The following SAMTOR variants were observed in gnomAD, a reference collection of about 807,000 sequenced individuals.
SAMTOR encodes the protein S-adenosylmethionine sensor upstream of mTORC1.
At chr7:112,914,657 A>G in the SAMTOR span, among the ~76,000 whole-genome samples, 3 of 152,306 alleles carry the variant, frequency 2.0e-5, no homozygotes, top group South Asian at 6.2e-4. Context: ...TTTTACTTGA[A>G]TCTAAATAAT....
At chr7:112,862,947 T>C in the SAMTOR span, among the ~76,000 whole-genome samples, 1 of 150,822 alleles carries the variant, frequency 6.6e-6, no homozygotes. Flanking sequence ...GGGTGGGGGC[T>C]AGAATTCTCT....
At chr7:112,910,751 A>G in the SAMTOR span, among the ~76,000 whole-genome samples, 4 of 152,130 alleles carry the variant, frequency 2.6e-5, no homozygotes, top group African/African-American at 9.7e-5. Context: ...TTTAGACCCA[A>G]CTTTCAGTTT....
the SAMTOR span, among the ~76,000 whole-genome samples, chr7:112,913,782 G>A: frequency 7.3e-3 from 1,093 of 149,070 alleles, 6 homozygotes; most frequent in Non-Finnish European, 0.012. Context: ...ACTTGGTAGG[G>A]CTGGCTTACT....
the SAMTOR span, among the ~76,000 whole-genome samples, chr7:112,886,779 GC>G: frequency 2.0e-5 from 3 of 152,120 alleles, no homozygotes; most frequent in South Asian, 2.1e-4. Flanking sequence ...ATATCTCCCT[GC>G]CCCCACACAG....
chr7:112,926,114 C>T, the SAMTOR span, among the ~76,000 whole-genome samples: 1 of 152,114 alleles, frequency 6.6e-6, no homozygotes, highest in Non-Finnish European at 1.5e-5. Context: ...TCTCAGTGGG[C>T]TCCAGCAGTG....
the SAMTOR span, chr7:112,939,463 A>C: frequency 2.1e-6 from 3 of 1,429,224 alleles, no homozygotes; most frequent in South Asian, 4.0e-5. Context: ...CCGGGAGAGC[A>C]GCAGCGGCTG....
At chr7:112,937,943 G>C in the SAMTOR span, among the ~76,000 whole-genome samples, 1 of 151,796 alleles carries the variant, frequency 6.6e-6, no homozygotes, top group South Asian at 2.1e-4. Context: ...GTGTTAATTT[G>C]AGTGGAACCT....
chr7:112,935,208 A>C, the SAMTOR span: 1 of 442,152 alleles, frequency 2.3e-6, no homozygotes, highest in Non-Finnish European at 4.5e-6. Flanking sequence ...ATCTGTTCAA[A>C]GTTTCTTAAG....
chr7:112,924,618 A>G, the SAMTOR span, among the ~76,000 whole-genome samples: 3 of 152,116 alleles, frequency 2.0e-5, no homozygotes, highest in African/African-American at 7.2e-5. Flanking sequence ...ATTTCCATTA[A>G]TCACTAACAT....
the SAMTOR span, among the ~76,000 whole-genome samples, chr7:112,844,851 T>G: frequency 6.6e-6 from 1 of 152,138 alleles, no homozygotes; most frequent in Non-Finnish European, 1.5e-5. Flanking sequence ...CAAATGATAC[T>G]ACAAAGCTGC....
At chr7:112,881,411 A>C in the SAMTOR span, among the ~76,000 whole-genome samples, 1 of 152,128 alleles carries the variant, frequency 6.6e-6, no homozygotes, top group Non-Finnish European at 1.5e-5. Context: ...ACCACCCAGA[A>C]TGAGAGGTTA....
the SAMTOR span, among the ~76,000 whole-genome samples, chr7:112,886,782 C>A: frequency 6.6e-6 from 1 of 152,172 alleles, no homozygotes; most frequent in East Asian, 1.9e-4. Context: ...TCTCCCTGCC[C>A]CCACACAGAG....
the SAMTOR span, among the ~76,000 whole-genome samples, chr7:112,921,258 A>T: frequency 6.6e-6 from 1 of 152,206 alleles, no homozygotes; most frequent in Non-Finnish European, 1.5e-5. Flanking sequence ...GATATAGATC[A>T]ATGGAACAGA....
chr7:112,907,842 C>CATATTTAT, the SAMTOR span, among the ~76,000 whole-genome samples: 1 of 146,346 alleles, frequency 6.8e-6, no homozygotes, highest in East Asian at 2.0e-4. Flanking sequence ...TTCTTACTTA[C>CATATTTAT]TTATTTATTT....
the SAMTOR span, among the ~76,000 whole-genome samples, chr7:112,835,170 A>G: frequency 6.6e-6 from 1 of 151,662 alleles, no homozygotes; most frequent in Non-Finnish European, 1.5e-5. Context: ...ACTATGCATT[A>G]TTTTTTTTAG....
At chr7:112,924,718 T>C in the SAMTOR span, among the ~76,000 whole-genome samples, 27 of 152,302 alleles carry the variant, frequency 1.8e-4, 1 homozygote, top group South Asian at 4.1e-3. Flanking sequence ...TTCTAGATTC[T>C]CAAATAAAAA....
chr7:112,916,255 C>T, the SAMTOR span, among the ~76,000 whole-genome samples: 136 of 152,220 alleles, frequency 8.9e-4, no homozygotes, highest in Non-Finnish European at 1.8e-3. Flanking sequence ...GAAAACATCA[C>T]TGTGATGACT....
At chr7:112,917,307 G>A in the SAMTOR span, among the ~76,000 whole-genome samples, 1 of 152,202 alleles carries the variant, frequency 6.6e-6, no homozygotes, top group Non-Finnish European at 1.5e-5. Context: ...AAATCTGCTG[G>A]TCTGCAGCCA....
At chr7:112,883,542 A>C in the SAMTOR span, among the ~76,000 whole-genome samples, 1 of 152,232 alleles carries the variant, frequency 6.6e-6, no homozygotes, top group Admixed American at 6.5e-5. Flanking sequence ...CTGTATTCCT[A>C]TTTATAGCAA....
Sources: allele counts gnomAD v4.1 joint callset (sites outside exome capture counted in the v4.1 genomes callset), GRCh38; gene constraint gnomAD v4.1.1; transcripts MANE v1.5; gene names NCBI Gene and HGNC (gene_info 2026-07-23, HGNC 2026-07-21).